KCNQ2: variants seen among roughly 807,000 people sequenced by gnomAD.
The protein encoded by KCNQ2 is potassium voltage-gated channel subfamily KQT member 2.
In KCNQ2, 14 loss-of-function variants were observed where a neutral mutation model predicts 84.8. The observed-to-expected ratio is 0.17, with a 90% CI of 0.11 to 0.26. The LOEUF (loss-of-function observed/expected upper bound fraction) is 0.26, where lower values mean the gene tolerates loss of function less well. Among genes scored for constraint, KCNQ2 ranks in the 10% least tolerant of loss-of-function variants. KCNQ2 has a pLI of 1.00. For synonymous variants in KCNQ2, 599 were observed against 554.1 expected, an observed-to-expected ratio of 1.08 and a Z score of -1.14; for missense variants, 788 against 1,254.0, an observed-to-expected ratio of 0.63 and a Z score of 5.61.
chr20:63,407,172 G>A lies in KCNQ2; in HGVS notation c.2091C>T (p.Gly697=), dbSNP rs1259327556. 6.2e-7 allele frequency: 1 copy of A among 1,603,012 alleles called. No homozygotes were observed. Among genetic ancestry groups the A allele is most frequent in the Non-Finnish European group, 8.5e-7 (1 of 1,177,694 alleles). The stretch of plus-strand genomic sequence containing the variant: ...CCGGGGGCGCCGAGAAGTTCTTCTG[G>A]CCCGTGGAGCTGCTGGAGCGCACGA... ...VKIVRSSSST[G]QKNFSAPPAA... Residue 697 remains glycine (G), a synonymous_variant, in exon 17 of 17, where the codon GGC becomes GGT. Coordinates refer to ENST00000359125, the MANE Select transcript of KCNQ2 (RefSeq NM_172107.4). The surrounding 1 kb of genome is among the most constrained non-coding windows in gnomAD (Gnocchi z 7.2).
Position 63,419,011 on chromosome 20 carries a change from C to G in KCNQ2, c.1301+608G>C, listed in dbSNP as rs180981051. 4.1e-3 allele frequency among the ~76,000 whole-genome samples: 617 copies of G among 152,324 alleles called. 1 individual carries two copies. The highest frequency in any genetic ancestry group is 3.4e-3 in the Admixed American group (52 of 15,306). ...CCAGCGCAGGCCTGCACACACCCAA[C>G]AGCAGACAGGGGACGCGGGGACAGG... On this transcript the variant is annotated intron_variant, in intron 12 of 16. Coordinates refer to ENST00000359125, the MANE Select transcript of KCNQ2 (RefSeq NM_172107.4).
At chr20:63,413,414 C>T (rs768426870) in intron 15 of KCNQ2, 36 bp downstream of exon 15, 1 of 1,612,310 alleles carries the variant, frequency 6.2e-7, no homozygotes, top group Non-Finnish European at 8.5e-7. Flanking sequence ...CCACCCCGTT[C>T]TTGTCCCCTG....
In KCNQ2 at chr20:63,406,356, T is replaced by C. The variant is rs867721307; in HGVS notation, c.*288A>G. 5.3e-5 allele frequency: 22 copies of C among 416,582 alleles called. No homozygotes were observed. Among genetic ancestry groups the C allele is most frequent in the Middle Eastern group, 6.5e-4 (1 of 1,538 alleles). The allele number at this position is 416,582 out of a possible 1,614,324, so 25.8% of individuals were successfully genotyped here. A position where few individuals can be genotyped will look rare whatever the true frequency, so the allele number is the denominator to read the frequency against. ...CCCGCCCCTCCTCACACCGGGCTGA[T>C]GTCGGCCGCGGCCCTGAGCAGAGTG... is the stretch of plus-strand genomic sequence containing the variant. On this transcript the variant is annotated 3_prime_UTR_variant, in exon 17 of 17. Coordinates refer to ENST00000359125, the MANE Select transcript of KCNQ2 (RefSeq NM_172107.4).
At chr20:63,458,593 G>A (rs990457898) in intron 1 of KCNQ2, among the ~76,000 whole-genome samples, 4 of 152,198 alleles carry the variant, frequency 2.6e-5, no homozygotes, top group African/African-American at 9.6e-5. Context: ...ATTCTCTCCA[G>A]GGCCCTGAGC....
chr20:63,413,641 A>G (rs1568876200), intron 14 of KCNQ2, 60 bp from the exon 15 acceptor site: 10 of 1,604,100 alleles, frequency 6.2e-6, no homozygotes, highest in Non-Finnish European at 6.8e-6. Context: ...CACAGGCACC[A>G]GGACCTTCCT....
intron 11 of KCNQ2, 200 bp downstream of exon 11, chr20:63,423,977 T>C: frequency 1.7e-6 from 1 of 586,564 alleles, no homozygotes; most frequent in Non-Finnish European, 3.1e-6. Context: ...ACCGAATCAC[T>C]GGGGAGGGGG....
At chr20:63,430,305 G>A (rs1451274830) in intron 9 of KCNQ2, among the ~76,000 whole-genome samples, 1 of 152,026 alleles carries the variant, frequency 6.6e-6, no homozygotes, top group Admixed American at 6.5e-5. Context: ...TGGCCCCAGG[G>A]GCAGCAGGGC....
At chr20:63,442,719 CCACCAT>C (rs2081216767) in intron 4 of KCNQ2, among the ~76,000 whole-genome samples, 188 bp from the exon 5 acceptor site, 3 of 38,416 alleles carry the variant, frequency 7.8e-5, no homozygotes, top group Non-Finnish European at 1.1e-4. Context: ...ACCACCACCA[CCACCAT>C]CATCACCACC....
chr20:63,472,042 G>T (rs892828311), intron 1 of KCNQ2, 126 bp downstream of exon 1: 14 of 637,564 alleles, frequency 2.2e-5, no homozygotes, highest in Non-Finnish European at 3.3e-5. Context: ...GGGGAGCGCC[G>T]GCCCCGGACC....
In KCNQ2 at chr20:63,446,117, C is replaced by A; in HGVS notation, c.387+630G>T. ...GGACCCTGTCTGAGCCAGTGGGGGA[C>A]CTGCCTTGAGTTGGGGGGTGCACAG... is the stretch of plus-strand genomic sequence containing the variant. On this transcript the variant is annotated intron_variant, in intron 2 of 16. Transcript: ENST00000359125. The surrounding 1 kb of genome is among the most constrained non-coding windows in gnomAD (Gnocchi z 5.5). 3.4e-6 allele frequency: 1 copy of A among 296,942 alleles called. No individual in the cohort carries two copies. Among genetic ancestry groups the A allele is most frequent in the South Asian group, 2.8e-5 (1 of 35,530 alleles). 18.4% of individuals were successfully genotyped at this position (296,942 alleles called of 1,614,324 possible).
chr20:63,472,443 G>C lies in KCNQ2; in HGVS notation c.21C>G (p.Asn7Lys). MVQKSR[N>K]GGVYPGPSGE... is the part of the protein sequence containing the mutation. ...CGCTCGGGCCGGGGTATACGCCGCCGTTGCGCGACTTCTGCACCATGGTGC... is the reference window on the plus strand; with the variant it reads ...CGCTCGGGCCGGGGTATACGCCGCCCTTGCGCGACTTCTGCACCATGGTGC... Residue 7 changes from asparagine to lysine, a missense_variant, in exon 1 of 17, where the codon AAC (asparagine) becomes AAG (lysine). Asn to Lys is a moderately conservative substitution (Grantham distance 94). Transcript: ENST00000359125. 6.5e-7 allele frequency: 1 copy of C among 1,533,082 alleles called. No individual in the cohort carries two copies. Among genetic ancestry groups the C allele is most frequent in the Non-Finnish European group, 8.7e-7 (1 of 1,146,682 alleles). 95.0% of individuals were successfully genotyped at this position (1,533,082 alleles called of 1,614,324 possible). A position where few individuals can be genotyped will look rare whatever the true frequency, so the allele number is the denominator to read the frequency against.
intron 7 of KCNQ2, among the ~76,000 whole-genome samples, chr20:63,436,271 C>T (rs1175133925): frequency 6.6e-6 from 1 of 152,208 alleles, no homozygotes; most frequent in Non-Finnish European, 1.5e-5. Flanking sequence ...GTGGCTCACG[C>T]CTGTAATCCC....
intron 4 of KCNQ2, among the ~76,000 whole-genome samples, chr20:63,442,740 C>T (rs1259343228): frequency 1.0e-5 from 1 of 97,974 alleles, no homozygotes; most frequent in Non-Finnish European, 2.1e-5. Context: ...ACCACCTCCA[C>T]CATCACCACC....
chr20:63,442,950 TCATCACCATCACCAC>T (rs2081255243), intron 4 of KCNQ2, among the ~76,000 whole-genome samples: 1 of 15,382 alleles, frequency 6.5e-5, no homozygotes, highest in Non-Finnish European at 1.2e-4. Flanking sequence ...ACCATCACCA[TCATCACCATCACCAC>T]CACCACCACC....
intron 15 of KCNQ2, chr20:63,412,236 C>G (rs2080142488): frequency 4.4e-6 from 1 of 227,524 alleles, no homozygotes; most frequent in African/African-American, 2.3e-5. Context: ...CGGCCGAGGA[C>G]TCCTGGGGTC....
rs1048324193 is a variant in KCNQ2, at chr20:63,460,855, C to A, written c.296+11313G>T. On this transcript the variant is annotated intron_variant, in intron 1 of 16. Coordinates refer to ENST00000359125, the MANE Select transcript of KCNQ2 (RefSeq NM_172107.4). This position sits in a 1 kb window ranked among gnomAD's most constrained non-coding sequence, Gnocchi z 5.4. ...AGGGACACCACACAACACAGGGACT[C>A]TGCCGTCATCCATGTCCACAGGTGG... 5.9e-5 allele frequency: 9 copies of A among 152,388 alleles called. No homozygotes were observed. The highest frequency in any genetic ancestry group is 3.4e-3 in the Middle Eastern group (1 of 294). The allele number at this position is 152,388 out of a possible 1,614,324, so 9.4% of individuals were successfully genotyped here. A position where few individuals can be genotyped will look rare whatever the true frequency, so the allele number is the denominator to read the frequency against.
At chr20:63,430,807 G>A (rs2080766531) in intron 9 of KCNQ2, among the ~76,000 whole-genome samples, 1 of 152,232 alleles carries the variant, frequency 6.6e-6, no homozygotes, top group African/African-American at 2.4e-5. Flanking sequence ...GCAGACCCCT[G>A]AGGCTAGCTG....
At position 63,461,484 on chromosome 20, in the gene KCNQ2, G is replaced by A. The variant is rs150231343; in HGVS notation, c.296+10684C>T. Reference sequence around the variant, plus strand: ...AAGCCCCTGACTCTATGGCCTGGGCGGATGCCAAACAAGAATCACACAAGG... The same window carrying A: ...AAGCCCCTGACTCTATGGCCTGGGCAGATGCCAAACAAGAATCACACAAGG... On this transcript the variant is annotated intron_variant, in intron 1 of 16. Transcript: ENST00000359125. 9.0e-3 allele frequency among the ~76,000 whole-genome samples: 1,366 copies of A among 152,264 alleles called. 21 individuals are homozygous for A. The highest frequency in any genetic ancestry group is 0.03 in the African/African-American group (1,266 of 41,530).
At position 63,400,683 on chromosome 20, in the gene KCNQ2, AG is replaced by A. The variant is rs2079790937; in HGVS notation, c.*5960del. 5 of 398,652 alleles carry A rather than the reference AG, an allele frequency of 1.3e-5. No homozygotes were observed. Among genetic ancestry groups the A allele is most frequent in the Non-Finnish European group, 1.8e-5 (4 of 226,066 alleles). 24.7% of individuals were successfully genotyped at this position (398,652 alleles called of 1,614,324 possible). A position where few individuals can be genotyped will look rare whatever the true frequency, so the allele number is the denominator to read the frequency against. On this transcript the variant is annotated 3_prime_UTR_variant, in exon 17 of 17. Coordinates refer to ENST00000359125, the MANE Select transcript of KCNQ2 (RefSeq NM_172107.4). This position sits in a 1 kb window ranked among gnomAD's most constrained non-coding sequence, Gnocchi z 8.7. ...GCCACCGTCACGGCCAGAGGATGGC[AG>A]ACTGCAATGGCGTGGGGCGCGGGCA...
Sources: allele counts gnomAD v4.1 joint callset (sites outside exome capture counted in the v4.1 genomes callset), GRCh38; gene constraint gnomAD v4.1.1; non-coding constraint Gnocchi (gnomAD v3.1); transcripts MANE v1.5; gene names NCBI Gene and HGNC (gene_info 2026-07-23, HGNC 2026-07-21).